The following GRHL2 variants were observed in gnomAD, a reference collection of about 807,000 sequenced individuals.
The protein encoded by GRHL2 is grainyhead like transcription factor 2, also known as grainyhead-like protein 2 homolog.
GRHL2 carries 21 observed loss-of-function variants against 83.8 expected under a neutral mutation model. That is an observed-to-expected ratio of 0.25 (90% confidence interval 0.18 to 0.36). The LOEUF (loss-of-function observed/expected upper bound fraction) is 0.36. Ranked by LOEUF, GRHL2 falls within the 10% of genes least tolerant of loss-of-function variation. GRHL2 has a pLI of 1.00. For missense variants in GRHL2, 623 were observed against 781.8 expected (o/e 0.80, Z 2.42); for synonymous variants, 280 against 278.9 (o/e 1.00, Z -0.04).
intron 1 of GRHL2, among the ~76,000 whole-genome samples, chr8:101,516,142 C>T (rs543001705): frequency 6.6e-6 from 1 of 152,108 alleles, no homozygotes; most frequent in Non-Finnish European, 1.5e-5. Context: ...AGGTCCGGTG[C>T]CCATTTGCCT....
At chr8:101,581,099 C>G (rs1421059933) in intron 7 of GRHL2, among the ~76,000 whole-genome samples, 1 of 152,232 alleles carries the variant, frequency 6.6e-6, no homozygotes, top group Non-Finnish European at 1.5e-5. Flanking sequence ...CAGGCCCTGT[C>G]TACATGGAGA....
chr8:101,588,624 T>C (rs961832531), intron 7 of GRHL2, among the ~76,000 whole-genome samples: 4 of 152,184 alleles, frequency 2.6e-5, no homozygotes, highest in African/African-American at 9.7e-5. Context: ...GTATTTTGAG[T>C]TGCTTAAGTA....
intron 3 of GRHL2, 101 bp downstream of exon 3, chr8:101,552,883 G>A (rs1408847475): frequency 2.8e-6 from 3 of 1,076,936 alleles, no homozygotes; most frequent in African/African-American, 1.6e-5. Flanking sequence ...GGGTCAAGAA[G>A]CTTAGCATCA....
chr8:101,560,690 C>G (rs1811590908), intron 4 of GRHL2, among the ~76,000 whole-genome samples: 1 of 152,142 alleles, frequency 6.6e-6, no homozygotes, highest in Non-Finnish European at 1.5e-5. Flanking sequence ...AACTTCAGCT[C>G]TTTTAGTGGA....
At position 101,649,430 on chromosome 8, in the gene GRHL2, G is replaced by A. The variant is rs149801558; in HGVS notation, c.1629G>A (p.Arg543=). 34 of 1,613,924 alleles carry A rather than the reference G, an allele frequency of 2.1e-5. No individual in the cohort carries two copies. Among genetic ancestry groups the A allele is most frequent in the Non-Finnish European group, 2.8e-5 (33 of 1,179,956 alleles). Residue 543 remains arginine (R), a synonymous_variant, in exon 14 of 16, where the codon AGG becomes AGA. Coordinates refer to ENST00000646743, the MANE Select transcript of GRHL2 (RefSeq NM_024915.4). The part of the protein sequence containing the change: ...EGTKRVLLYV[R]KETDDVFDAL... ...CTCTTCCAGTGCTCTTGTACGTGAG[G>A]AAGGAGACTGACGATGTGTTCGATG...
At chr8:101,676,540 T>C in the GRHL2 span, among the ~76,000 whole-genome samples, 1 of 152,096 alleles carries the variant, frequency 6.6e-6, no homozygotes, top group Non-Finnish European at 1.5e-5. Flanking sequence ...AGAATGGCGA[T>C]CATTCAAAAG....
chr8:101,673,558 A>G (rs1003170829), downstream of GRHL2, among the ~76,000 whole-genome samples: 8 of 148,430 alleles, frequency 5.4e-5, no homozygotes, highest in Non-Finnish European at 1.0e-4. Flanking sequence ...AGGAGCACCC[A>G]GATTCATAAA....
At chr8:101,614,333 T>C (rs1457823643) in intron 8 of GRHL2, among the ~76,000 whole-genome samples, 1 of 151,218 alleles carries the variant, frequency 6.6e-6, no homozygotes, top group African/African-American at 2.5e-5. Context: ...TTTGAACTGA[T>C]GACAAAATTA....
chr8:101,547,097 A>C (rs1811282487), intron 2 of GRHL2, among the ~76,000 whole-genome samples: 1 of 152,226 alleles, frequency 6.6e-6, no homozygotes, highest in Admixed American at 6.5e-5. Context: ...TCAAATGATC[A>C]TTTTGAAGCC....
chr8:101,563,140 G>T (rs1011309517), intron 4 of GRHL2, among the ~76,000 whole-genome samples: 1 of 152,114 alleles, frequency 6.6e-6, no homozygotes, highest in African/African-American at 2.4e-5. Context: ...GGAAACTGAG[G>T]GATAGAGAGC....
At chr8:101,649,995 C>A (rs1283432725) in intron 14 of GRHL2, among the ~76,000 whole-genome samples, 1 of 152,150 alleles carries the variant, frequency 6.6e-6, no homozygotes, top group Admixed American at 6.5e-5. Flanking sequence ...TCACAAGAAG[C>A]TATTTTACAT....
the GRHL2 span, among the ~76,000 whole-genome samples, chr8:101,677,129 G>T: frequency 2.5e-3 from 380 of 151,926 alleles, 7 homozygotes; most frequent in East Asian, 0.024. Context: ...GAGTTAATGG[G>T]TGCAGCACAC....
At chr8:101,610,562 G>A (rs764511016) in intron 8 of GRHL2, among the ~76,000 whole-genome samples, 16 of 150,778 alleles carry the variant, frequency 1.1e-4, no homozygotes, top group African/African-American at 1.5e-4. Flanking sequence ...TAATGTTGAC[G>A]ATAGTAAAAT....
chr8:101,511,698 C>T (rs1810469461), intron 1 of GRHL2, among the ~76,000 whole-genome samples: 1 of 151,826 alleles, frequency 6.6e-6, no homozygotes, highest in Non-Finnish European at 1.5e-5. Flanking sequence ...AGGTTTTATG[C>T]CTTGCTTAAG....
At position 101,573,704 on chromosome 8, in the gene GRHL2, T is replaced by A. The variant is rs1367252536; in HGVS notation, c.771T>A (p.Ser257=). 1.2e-6 allele frequency: 2 copies of A among 1,614,108 alleles called. No individual in the cohort carries two copies. The highest frequency in any genetic ancestry group is 1.7e-6 in the Non-Finnish European group (2 of 1,180,032). ...TFQYTLEATK[S]LRQKQGEGPM... ...AGTACACCCTGGAAGCCACCAAATC[T>A]CTCCGTCAGAAGCAGGGGGAGGGCC... The change falls in exon 6 of 16, where the codon TCT becomes TCA. Residue 257 remains serine, a synonymous_variant. Coordinates refer to ENST00000646743, the MANE Select transcript of GRHL2 (RefSeq NM_024915.4).
chr8:101,647,866 C>T (rs2129686239), intron 13 of GRHL2, among the ~76,000 whole-genome samples: 1 of 152,034 alleles, frequency 6.6e-6, no homozygotes, highest in East Asian at 1.9e-4. Flanking sequence ...TAATGAAGTC[C>T]CCCCAGGATT....
chr8:101,586,882 G>A (rs574716402), intron 7 of GRHL2, among the ~76,000 whole-genome samples: 5 of 152,100 alleles, frequency 3.3e-5, no homozygotes, highest in Non-Finnish European at 7.4e-5. Context: ...GATACTAGAA[G>A]ACTAAATATG....
intron 15 of GRHL2, among the ~76,000 whole-genome samples, chr8:101,665,884 G>A (rs748524149): frequency 1.3e-5 from 2 of 152,172 alleles, no homozygotes; most frequent in Non-Finnish European, 2.9e-5. Flanking sequence ...AATTATGGAA[G>A]TCTCTGGAAG....
intron 7 of GRHL2, among the ~76,000 whole-genome samples, chr8:101,596,321 CT>C (rs1812390459): frequency 2.6e-5 from 4 of 152,120 alleles, no homozygotes; most frequent in South Asian, 2.1e-4. Flanking sequence ...TGCATATGCG[CT>C]GTTACTGTGA....
Sources: gnomAD v4.1 joint callset for allele counts (sites outside exome capture counted in the v4.1 genomes callset) on GRCh38, gnomAD v4.1.1 for gene constraint, MANE v1.5 for transcripts, NCBI Gene and HGNC (gene_info 2026-07-23, HGNC 2026-07-21) for gene names.